IPO8: variants seen among roughly 807,000 people sequenced by gnomAD.
The protein encoded by IPO8 is importin-8.
Under a neutral mutation model 141.2 loss-of-function variants are expected in IPO8, and 65 were observed. The observed-to-expected ratio is 0.46, with a 90% confidence interval of 0.38 to 0.57. The LOEUF (loss-of-function observed/expected upper bound fraction) is 0.57. Among genes scored for constraint, IPO8 ranks in the 20% least tolerant of loss-of-function variants. The pLI, the probability that IPO8 is intolerant of heterozygous loss-of-function variation, is 0.00. For missense variants in IPO8, 980 were observed against 1,246.8 expected (o/e 0.79, Z 3.22); for synonymous variants, 411 against 420.3 (o/e 0.98, Z 0.27).
chr12:30,663,234 C>G (rs1238573926), intron 14 of IPO8, among the ~76,000 whole-genome samples: 1 of 152,164 alleles, frequency 6.6e-6, no homozygotes, highest in East Asian at 1.9e-4. Context: ...AAAATCAAAA[C>G]TGGGCCCAGG....
chr12:30,636,979 T>A lies in IPO8; in HGVS notation c.2695+3A>T, dbSNP rs775000891. ...AACATTAATTTCAATTAGAAGACTTTACCATTTTCTTCCATATCAGCTTTC... is the reference window on the plus strand; with the variant it reads ...AACATTAATTTCAATTAGAAGACTTAACCATTTTCTTCCATATCAGCTTTC... On this transcript the variant is annotated splice_donor_region_variant and intron_variant, in intron 22 of 24. Coordinates refer to ENST00000256079, the MANE Select transcript of IPO8 (RefSeq NM_006390.4). 1 of 1,611,570 alleles carries A rather than the reference T, an allele frequency of 6.2e-7. No individual in the cohort carries two copies. The highest frequency in any genetic ancestry group is 8.5e-7 in the Non-Finnish European group (1 of 1,177,730).
chr12:30,656,234 C>T (rs1377496686), intron 17 of IPO8, among the ~76,000 whole-genome samples: 1 of 152,120 alleles, frequency 6.6e-6, no homozygotes, highest in Non-Finnish European at 1.5e-5. Flanking sequence ...GACAGTGTTT[C>T]ACCATGTTGC....
At chr12:30,644,389 T>C (rs143356391) in intron 20 of IPO8, among the ~76,000 whole-genome samples, 2 of 151,520 alleles carry the variant, frequency 1.3e-5, no homozygotes, top group Admixed American at 1.3e-4. Context: ...AAAAAGGTTT[T>C]TAAATAAATA....
rs2052738669 is a variant in IPO8 at position 30,652,288 on chromosome 12, G to A, written c.2076C>T (p.Asp692=). The A allele has an allele frequency of 6.3e-7, 1 of 1,575,514 alleles. No homozygotes were observed. The highest frequency in any genetic ancestry group is 8.7e-7 in the Non-Finnish European group (1 of 1,149,302). The change falls in exon 19 of 25, where the codon GAC becomes GAT. Residue 692 remains aspartate, a splice_region_variant and synonymous_variant. Transcript: ENST00000256079. ...CATAATTATGCAGGAGAGGCATCAT[G>A]TCTGAAAAAAAATCAAAATCCCAAT... ...FQQDCFEYFT[D]MMPLLHNYVT...
intron 16 of IPO8, 137 bp downstream of exon 16, chr12:30,661,004 T>C (rs960256695): frequency 7.2e-6 from 3 of 417,408 alleles, no homozygotes; most frequent in Non-Finnish European, 1.2e-5. Flanking sequence ...TTCCATAAAA[T>C]GTGAGGGCAA....
chr12:30,684,959 C>T (rs1591845355), intron 2 of IPO8, among the ~76,000 whole-genome samples: 1 of 152,114 alleles, frequency 6.6e-6, no homozygotes, highest in South Asian at 2.1e-4. Flanking sequence ...AAATGAACAT[C>T]AGCCATCAAA....
intron 1 of IPO8, among the ~76,000 whole-genome samples, chr12:30,694,417 C>T (rs1006967210): frequency 6.6e-6 from 1 of 152,240 alleles, no homozygotes; most frequent in Admixed American, 6.5e-5. Flanking sequence ...CTACTCCAAA[C>T]TCCACCTAGG....
At chr12:30,682,423 G>A (rs1363666584) in intron 3 of IPO8, among the ~76,000 whole-genome samples, 1 of 152,138 alleles carries the variant, frequency 6.6e-6, no homozygotes, top group African/African-American at 2.4e-5. Flanking sequence ...GAAGAGGAGA[G>A]CTAAGAGCTA....
intron 20 of IPO8, among the ~76,000 whole-genome samples, chr12:30,642,839 G>C (rs1485822683): frequency 1.3e-4 from 20 of 151,914 alleles, no homozygotes; most frequent in Non-Finnish European, 1.5e-5. Flanking sequence ...ATTAGAATCA[G>C]GTTAAAAGGG....
chr12:30,653,525 T>G (rs1343367387), intron 17 of IPO8, among the ~76,000 whole-genome samples: 4 of 152,026 alleles, frequency 2.6e-5, no homozygotes, highest in African/African-American at 4.8e-5. Flanking sequence ...TATCTCAAAT[T>G]TATACTTTTA....
chr12:30,652,905 T>C, intron 18 of IPO8, 62 bp downstream of exon 18: 1 of 1,383,248 alleles, frequency 7.2e-7, no homozygotes, highest in Non-Finnish European at 9.9e-7. Context: ...TTATTTCAGG[T>C]GTCAACAGGA....
Position 30,663,473 on chromosome 12 carries a change from G to C in IPO8, c.1594+16C>G, listed in dbSNP as rs764808190. 4 of 1,591,864 alleles carry C rather than the reference G, an allele frequency of 2.5e-6. No individual in the cohort carries two copies. The highest frequency in any genetic ancestry group is 2.7e-5 in the African/African-American group (2 of 73,926). On this transcript the variant is annotated intron_variant, in intron 14 of 24. Transcript: ENST00000256079. ...AAATTATTTGAGAAGATGTCTAAAA[G>C]GTATTTTGGCTTTACCTTGTATCTG...
intron 20 of IPO8, among the ~76,000 whole-genome samples, chr12:30,645,859 T>C (rs1479062102): frequency 6.6e-6 from 1 of 151,932 alleles, no homozygotes; most frequent in Admixed American, 6.6e-5. Flanking sequence ...CATTTAAAAC[T>C]ACCCACCGAA....
chr12:30,636,374 G>A (rs7299444), intron 22 of IPO8, among the ~76,000 whole-genome samples: 80,366 of 151,804 alleles, frequency 0.53, 21,688 homozygotes, highest in African/African-American at 0.61. Context: ...AAGTAGCTCC[G>A]CAATCTCATC....
chr12:30,676,510 C>T lies in IPO8; in HGVS notation c.717G>A (p.Arg239=). Residue 239 remains arginine, a synonymous_variant, in exon 6 of 25, where the codon AGG becomes AGA. Transcript: ENST00000256079. ...WMEIFRTIID[R]TVPPETLHID... is the part of the protein sequence containing the mutation. ...AGCTTTTTCTTACAGGAGGAACGGT[C>T]CTGTCGATAATAGTTCGGAAGATCT... 1 of 1,612,704 alleles carries T rather than the reference C, an allele frequency of 6.2e-7. No homozygotes were observed. The highest frequency in any genetic ancestry group is 8.5e-7 in the Non-Finnish European group (1 of 1,178,920).
chr12:30,687,405 C>G (rs17560465), intron 2 of IPO8, among the ~76,000 whole-genome samples: 1 of 151,958 alleles, frequency 6.6e-6, no homozygotes. Context: ...ACACTTTTCT[C>G]CTTCAGCACA....
rs754302388 is a variant in IPO8, at chr12:30,665,313, T to C, written c.1339-4A>G. On this transcript the variant is annotated splice_region_variant and splice_polypyrimidine_tract_variant and intron_variant, in intron 12 of 24. Coordinates refer to ENST00000256079, the MANE Select transcript of IPO8 (RefSeq NM_006390.4). ...TTTGGTCCTTGAATAAACTCTTCTA[T>C]TAGGAAACAAATTTCAACTTATCAA... The C allele has an allele frequency of 1.3e-6, 2 of 1,500,522 alleles. No individual in the cohort carries two copies. The highest frequency in any genetic ancestry group is 9.2e-7 in the Non-Finnish European group (1 of 1,085,720). 93.0% of individuals were successfully genotyped at this position (1,500,522 alleles called of 1,614,324 possible).
chr12:30,656,395 G>A (rs1191100873), intron 17 of IPO8, among the ~76,000 whole-genome samples: 3 of 152,070 alleles, frequency 2.0e-5, no homozygotes, highest in Admixed American at 1.3e-4. Context: ...CCCAGATTAA[G>A]GTAACCTCAC....
At chr12:30,692,278 C>T (rs1253317873) in intron 1 of IPO8, among the ~76,000 whole-genome samples, 1 of 152,208 alleles carries the variant, frequency 6.6e-6, no homozygotes, top group Non-Finnish European at 1.5e-5. Context: ...ATTGCAGAGA[C>T]TTTTATGTCA....
Sources: gnomAD v4.1 joint callset for allele counts (sites outside exome capture counted in the v4.1 genomes callset) on GRCh38, gnomAD v4.1.1 for gene constraint, MANE v1.5 for transcripts, NCBI Gene and HGNC (gene_info 2026-07-23, HGNC 2026-07-21) for gene names.